Variants in ZNF892 observed in about 807,000 individuals in gnomAD.
ZNF892 encodes the protein zinc finger protein 570-like.
At chr2:95,239,669 C>T in the ZNF892 span, among the ~76,000 whole-genome samples, 1 of 152,076 alleles carries the variant, frequency 6.6e-6, no homozygotes, top group African/African-American at 2.4e-5. Flanking sequence ...GCTCTGTCAC[C>T]CAGGCTGGAG....
At chr2:95,214,700 A>C in the ZNF892 span, 1 of 412,148 alleles carries the variant, frequency 2.4e-6, no homozygotes, top group Non-Finnish European at 4.4e-6. Flanking sequence ...AACCTTGGAA[A>C]TGCAATGAAT....
the ZNF892 span, among the ~76,000 whole-genome samples, chr2:95,245,454 G>GGT: frequency 2.1e-5 from 2 of 94,964 alleles, no homozygotes; most frequent in African/African-American, 8.5e-5. Flanking sequence ...AGACGGCGGG[G>GGT]GGGGGGGGGT....
the ZNF892 span, among the ~76,000 whole-genome samples, chr2:95,225,451 G>A: frequency 6.6e-6 from 1 of 152,208 alleles, no homozygotes; most frequent in South Asian, 2.1e-4. Context: ...GGGTAAGAGA[G>A]ACAGCAAGAG....
chr2:95,260,309 G>C, the ZNF892 span, among the ~76,000 whole-genome samples: 1 of 152,008 alleles, frequency 6.6e-6, no homozygotes, highest in African/African-American at 2.4e-5. Context: ...CCCTTCCTGG[G>C]TTTGCCACCT....
At chr2:95,232,152 G>C in the ZNF892 span, 1 of 152,174 alleles carries the variant, frequency 6.6e-6, no homozygotes, top group Non-Finnish European at 1.5e-5. Flanking sequence ...CTGTGGAGGG[G>C]TTTGGAAACA....
At chr2:95,242,523 C>G in the ZNF892 span, among the ~76,000 whole-genome samples, 1 of 152,156 alleles carries the variant, frequency 6.6e-6, no homozygotes, top group African/African-American at 2.4e-5. Context: ...AAACTGTTAC[C>G]GGCCACTACA....
the ZNF892 span, chr2:95,232,143 T>G: frequency 6.6e-6 from 1 of 152,192 alleles, no homozygotes; most frequent in Admixed American, 6.5e-5. Flanking sequence ...CATGATTCCC[T>G]GTGGAGGGGT....
At chr2:95,216,632 A>G in the ZNF892 span, among the ~76,000 whole-genome samples, 2 of 152,104 alleles carry the variant, frequency 1.3e-5, no homozygotes, top group Non-Finnish European at 2.9e-5. Context: ...TATTTTTTTC[A>G]TTGAAACTTT....
chr2:95,253,310 A>G, the ZNF892 span, among the ~76,000 whole-genome samples: 1 of 152,188 alleles, frequency 6.6e-6, no homozygotes, highest in Non-Finnish European at 1.5e-5. Context: ...ATGACTAGCC[A>G]GTTTTTCCAG....
chr2:95,248,452 C>G, the ZNF892 span, among the ~76,000 whole-genome samples: 1 of 152,254 alleles, frequency 6.6e-6, no homozygotes, highest in Non-Finnish European at 1.5e-5. Flanking sequence ...ATGGAACATA[C>G]CCAGGTAACA....
the ZNF892 span, chr2:95,207,646 T>C: frequency 5.1e-6 from 2 of 394,586 alleles, no homozygotes; most frequent in East Asian, 3.6e-5. Context: ...GCTGAACGCA[T>C]CCCCTTTTAA....
the ZNF892 span, among the ~76,000 whole-genome samples, chr2:95,240,810 C>T: frequency 6.6e-6 from 1 of 152,334 alleles, no homozygotes; most frequent in Non-Finnish European, 1.5e-5. Flanking sequence ...GTTCAGTCAA[C>T]TCAGCCGTTC....
the ZNF892 span, among the ~76,000 whole-genome samples, chr2:95,250,886 A>G: frequency 6.8e-6 from 1 of 147,494 alleles, no homozygotes; most frequent in Admixed American, 6.8e-5. Flanking sequence ...ATTACATATT[A>G]ATAAATGCTT....
At chr2:95,242,247 G>T in the ZNF892 span, among the ~76,000 whole-genome samples, 2 of 152,200 alleles carry the variant, frequency 1.3e-5, no homozygotes, top group East Asian at 3.9e-4. Context: ...CAGAGAGAAA[G>T]GCCAGGCCAC....
At chr2:95,246,846 G>T in the ZNF892 span, among the ~76,000 whole-genome samples, 1 of 152,132 alleles carries the variant, frequency 6.6e-6, no homozygotes, top group Admixed American at 6.5e-5. Context: ...ACTGTTCAAA[G>T]AAATTAGAGA....
At chr2:95,215,502 C>T in the ZNF892 span, 23 of 421,728 alleles carry the variant, frequency 5.5e-5, 1 homozygote, top group South Asian at 2.3e-3. Flanking sequence ...ATCCCTCTCT[C>T]AACATCAGAA....
the ZNF892 span, among the ~76,000 whole-genome samples, chr2:95,223,601 A>G: frequency 1.4e-4 from 22 of 152,128 alleles, no homozygotes; most frequent in Non-Finnish European, 2.8e-4. Context: ...GGGTTTCACC[A>G]TGTTGGCCAG....
At chr2:95,223,880 A>G in the ZNF892 span, among the ~76,000 whole-genome samples, 2 of 152,204 alleles carry the variant, frequency 1.3e-5, no homozygotes, top group East Asian at 1.9e-4. Flanking sequence ...CTCGAAATTC[A>G]TAAGTTGCAA....
the ZNF892 span, among the ~76,000 whole-genome samples, chr2:95,229,027 C>A: frequency 6.6e-6 from 1 of 152,064 alleles, no homozygotes; most frequent in African/African-American, 2.4e-5. Flanking sequence ...GCCTTTTTTT[C>A]CAGTTGTCCC....
Sources: gnomAD v4.1 joint callset for allele counts (sites outside exome capture counted in the v4.1 genomes callset) on GRCh38, gnomAD v4.1.1 for gene constraint, MANE v1.5 for transcripts, NCBI Gene and HGNC (gene_info 2026-07-23, HGNC 2026-07-21) for gene names.